C17orf67: variants seen among roughly 807,000 people sequenced by gnomAD.
The protein encoded by C17orf67 is uncharacterized protein C17orf67.
Under a neutral mutation model 11.2 loss-of-function variants are expected in C17orf67, and 12 were observed. That is an observed-to-expected ratio of 1.07 (90% confidence interval 0.68 to 1.73). The LOEUF is 1.73. C17orf67 is among the 40% of genes most tolerant of loss of function. The probability of loss-of-function intolerance (pLI) is 0.00; values close to 1 mark genes in which losing one functional copy is unlikely to be tolerated. For missense variants in C17orf67, 115 were observed against 113.5 expected, an observed-to-expected ratio of 1.01 and a Z score of -0.06; for synonymous variants, 59 against 46.9, an observed-to-expected ratio of 1.26 and a Z score of -1.05.
intron 2 of C17orf67, among the ~76,000 whole-genome samples, chr17:56,827,425 C>G (rs1186137608): frequency 6.6e-6 from 1 of 152,208 alleles, no homozygotes; most frequent in Non-Finnish European, 1.5e-5. Flanking sequence ...CACCTTGGAG[C>G]TTCTTAGAAA....
At chr17:56,831,002 G>A (rs890817015) in intron 2 of C17orf67, among the ~76,000 whole-genome samples, 2 of 152,262 alleles carry the variant, frequency 1.3e-5, no homozygotes, top group Admixed American at 6.5e-5. Context: ...CCTGAACTCA[G>A]TGAACGATGG....
intron 2 of C17orf67, among the ~76,000 whole-genome samples, chr17:56,831,213 G>A (rs1194296855): frequency 6.6e-6 from 1 of 152,262 alleles, no homozygotes; most frequent in East Asian, 1.9e-4. Flanking sequence ...TGGAGGGGGG[G>A]ATGGAGAGAT....
In C17orf67 at chr17:56,792,347, T is replaced by C. The variant is rs1394178504; in HGVS notation, c.*26A>G. 1 of 152,266 alleles carries C rather than the reference T, an allele frequency of 6.6e-6. No individual in the cohort carries two copies. The highest frequency in any genetic ancestry group is 1.5e-5 in the Non-Finnish European group (1 of 68,052). 9.4% of individuals were successfully genotyped at this position (152,266 alleles called of 1,614,324 possible). On this transcript the variant is annotated 3_prime_UTR_variant, in exon 8 of 8. Transcript: ENST00000397861. ...TTATCCAGCTTGTTGTCTATTAAAATGCTTGCTGAAAAAGAACAAGAAAAT... is the reference window on the plus strand; with the variant it reads ...TTATCCAGCTTGTTGTCTATTAAAACGCTTGCTGAAAAAGAACAAGAAAAT...
chr17:56,817,396 A>T (rs1905785895), intron 4 of C17orf67, among the ~76,000 whole-genome samples: 1 of 152,216 alleles, frequency 6.6e-6, no homozygotes, highest in African/African-American at 2.4e-5. Flanking sequence ...CAAGAAAAAA[A>T]AGATCATGCA....
chr17:56,795,822 G>C (rs1597986086), intron 6 of C17orf67, among the ~76,000 whole-genome samples: 1 of 152,154 alleles, frequency 6.6e-6, no homozygotes, highest in Non-Finnish European at 1.5e-5. Flanking sequence ...ATACAGCAGA[G>C]AACATAAATT....
chr17:56,807,903 TAATAAATAAATAAATAAATAAATA>T (rs58915926), intron 6 of C17orf67, among the ~76,000 whole-genome samples: 5 of 144,424 alleles, frequency 3.5e-5, no homozygotes, highest in East Asian at 2.0e-4. Context: ...AATAAATAAA[TAATAAATAAATAAATAAATAAATA>T]AATAAATAAA....
rs181558898 is a variant in C17orf67, at chr17:56,797,632, C to T, written c.157-2452G>A. Among the ~76,000 whole-genome samples, 4 of 152,244 alleles carry T rather than the reference C, an allele frequency of 2.6e-5. 1 individual carries two copies. The East Asian group carries it at 7.7e-4, about 29-fold the overall frequency. ...CCACCAGAGAAGGGAGCAGACAGCA[C>T]AAATAACAGAGGGCCATGATAGGGC... On this transcript the variant is annotated intron_variant, in intron 6 of 7. Coordinates refer to ENST00000397861, the MANE Select transcript of C17orf67 (RefSeq NM_001085430.4).
At chr17:56,825,006 A>ATG (rs1364859292) in intron 3 of C17orf67, 75 bp downstream of exon 3, 3 of 152,226 alleles carry the variant, frequency 2.0e-5, no homozygotes, top group African/African-American at 7.2e-5. Context: ...AAAACCGTAT[A>ATG]TGTGTTTTAT....
intron 6 of C17orf67, among the ~76,000 whole-genome samples, chr17:56,809,040 G>A (rs1361319230): frequency 6.6e-6 from 1 of 151,352 alleles, no homozygotes; most frequent in East Asian, 1.9e-4. Flanking sequence ...TGAGTGTGAG[G>A]GTATGTGGCT....
intron 2 of C17orf67, among the ~76,000 whole-genome samples, chr17:56,831,010 T>C (rs1226346682): frequency 2.0e-5 from 3 of 152,088 alleles, no homozygotes; most frequent in Admixed American, 1.3e-4. Flanking sequence ...CAGTGAACGA[T>C]GGCCAGAGTG....
chr17:56,799,868 A>G (rs1249874517), intron 6 of C17orf67, among the ~76,000 whole-genome samples: 1 of 152,034 alleles, frequency 6.6e-6, no homozygotes, highest in African/African-American at 2.4e-5. Flanking sequence ...CTTCTTCAGT[A>G]GATGTCTATT....
chr17:56,820,828 T>C (rs1266508213), intron 4 of C17orf67, among the ~76,000 whole-genome samples: 7 of 150,480 alleles, frequency 4.7e-5, no homozygotes, highest in East Asian at 3.9e-4. Flanking sequence ...TTAAGTGTCA[T>C]TGACAAATGA....
At chr17:56,825,981 G>C (rs1415711460) in intron 2 of C17orf67, among the ~76,000 whole-genome samples, 1 of 151,906 alleles carries the variant, frequency 6.6e-6, no homozygotes, top group Non-Finnish European at 1.5e-5. Flanking sequence ...GTGTGACGGA[G>C]TCTCGCTCTG....
intron 4 of C17orf67, among the ~76,000 whole-genome samples, chr17:56,821,856 G>A (rs1905912377): frequency 6.6e-6 from 1 of 152,234 alleles, no homozygotes; most frequent in Non-Finnish European, 1.5e-5. Context: ...CAGTGGGATG[G>A]TGGCAGACAT....
chr17:56,833,444 G>C (rs1178487809), intron 1 of C17orf67, 102 bp from the exon 2 acceptor site: 1 of 151,670 alleles, frequency 6.6e-6, no homozygotes, highest in Non-Finnish European at 1.5e-5. Flanking sequence ...CGCGGGCGAG[G>C]GGGTAGCGCA....
chr17:56,832,540 T>C (rs749402857), intron 2 of C17orf67, among the ~76,000 whole-genome samples: 3 of 152,184 alleles, frequency 2.0e-5, no homozygotes, highest in Non-Finnish European at 4.4e-5. Flanking sequence ...GCAAAGGGCC[T>C]ATCTCCCAGT....
At chr17:56,806,360 T>C (rs1385119807) in intron 6 of C17orf67, among the ~76,000 whole-genome samples, 2 of 152,208 alleles carry the variant, frequency 1.3e-5, no homozygotes, top group African/African-American at 4.8e-5. Flanking sequence ...TATTTTTAAT[T>C]ATACAAGTAA....
chr17:56,814,819 G>C, intron 6 of C17orf67, 50 bp downstream of exon 6: 1 of 1,540,812 alleles, frequency 6.5e-7, no homozygotes, highest in Non-Finnish European at 9.0e-7. Flanking sequence ...ATAGTGAATG[G>C]CATTCAAATG....
At chr17:56,832,805 A>G (rs1174484437) in intron 2 of C17orf67, 93 bp downstream of exon 2, 1 of 152,214 alleles carries the variant, frequency 6.6e-6, no homozygotes, top group Non-Finnish European at 1.5e-5. Flanking sequence ...CACTTTTACT[A>G]GTGTCTAGCT....
Sources: gnomAD v4.1 joint callset for allele counts (sites outside exome capture counted in the v4.1 genomes callset) on GRCh38, gnomAD v4.1.1 for gene constraint, MANE v1.5 for transcripts, NCBI Gene and HGNC (gene_info 2026-07-23, HGNC 2026-07-21) for gene names.